Variants in TASOR2 observed in about 807,000 individuals in gnomAD.
TASOR2 encodes the protein protein TASOR 2.
Under a neutral mutation model 199.5 loss-of-function variants are expected in TASOR2, and 84 were observed. That is an observed-to-expected ratio of 0.42 (90% CI 0.35 to 0.50). The LOEUF (loss-of-function observed/expected upper bound fraction) is 0.50, where lower values mean the gene tolerates loss of function less well. Ranked by LOEUF, TASOR2 falls within the 20% of genes least tolerant of loss-of-function variation. TASOR2 has a pLI of 0.02. For synonymous variants in TASOR2, 1,103 were observed against 1,046.6 expected (o/e 1.05, Z -1.04); for missense variants, 2,796 against 2,835.9 (o/e 0.99, Z 0.32).
chr10:5,706,987 G>A lies in TASOR2; in HGVS notation c.-287-5836G>A, dbSNP rs1256601990. On this transcript the variant is annotated intron_variant, in intron 1 of 20. Transcript: ENST00000328090. The surrounding 1 kb of genome is among the most constrained non-coding windows in gnomAD (Gnocchi z 4.8). ...CACTTACGCTCCAGCCTGGGCCACG[G>A]AGCAAGACTCCGTCTCAAAAAAAAA... 2.1e-5 allele frequency among the ~76,000 whole-genome samples: 3 copies of A among 141,336 alleles called. No individual in the cohort carries two copies. Among genetic ancestry groups the A allele is most frequent in the Non-Finnish European group, 4.6e-5 (3 of 65,802 alleles). 92.7% of individuals were successfully genotyped at this position (141,336 alleles called of 152,430 possible).
rs149878213 is a variant in TASOR2, at chr10:5,726,931, C to T, written c.398C>T (p.Thr133Ile). 7 of 1,614,062 alleles carry T rather than the reference C, an allele frequency of 4.3e-6. No individual in the cohort carries two copies. In the Admixed American group the frequency reaches 1.2e-4, roughly 27 times the overall value. Residue 133 changes from threonine to isoleucine, a missense_variant, in exon 9 of 21, where the codon ACA becomes ATA. Thr to Ile is a moderately conservative substitution (Grantham distance 89). Coordinates refer to ENST00000328090, the Ensembl canonical transcript of TASOR2. ...GATCGAGGGTTTTTCATTTTACTTACATCATCAGCCTTACTATCAGAACCA... is the reference window on the plus strand; with the variant it reads ...GATCGAGGGTTTTTCATTTTACTTATATCATCAGCCTTACTATCAGAACCA...
At chr10:5,735,929 A>C (rs1835504935) in intron 12 of TASOR2, among the ~76,000 whole-genome samples, 1 of 152,212 alleles carries the variant, frequency 6.6e-6, no homozygotes, top group Admixed American at 6.5e-5. Context: ...AGGGAATTAT[A>C]AACAGACTGT....
chr10:5,697,132 A>C (rs1837259647), intron 1 of TASOR2, among the ~76,000 whole-genome samples: 1 of 152,212 alleles, frequency 6.6e-6, no homozygotes, highest in Admixed American at 6.5e-5. Flanking sequence ...TAAAACAGAA[A>C]CAAACAAAAA....
At chr10:5,747,346 G>T (rs748118485) in exon 15 of TASOR2, 19 of 1,613,910 alleles carry the variant, frequency 1.2e-5, no homozygotes, top group Middle Eastern at 1.6e-4. Context: ...ATTTGAGGAG[G>T]CCCCATTCTC....
At chr10:5,756,553 A>G (rs1009981287) in intron 15 of TASOR2, 60 bp from the exon 17 acceptor site, 20 of 1,563,206 alleles carry the variant, frequency 1.3e-5, no homozygotes, top group Non-Finnish European at 1.7e-5. Context: ...TTAATAAACT[A>G]TACAGGTAGT....
At chr10:5,735,824 C>T (rs115552103) in intron 12 of TASOR2, among the ~76,000 whole-genome samples, 185 of 152,186 alleles carry the variant, frequency 1.2e-3, no homozygotes, top group African/African-American at 4.3e-3. Flanking sequence ...TATAAATGGC[C>T]TTATTTATGA....
chr10:5,759,018 C>A, intron 18 of TASOR2, 26 bp downstream of exon 19: 2 of 1,524,932 alleles, frequency 1.3e-6, no homozygotes, highest in Non-Finnish European at 1.8e-6. Context: ...GTGTATGGTT[C>A]CTCCTGCCCT....
Position 5,748,923 on chromosome 10 carries a change from G to T in TASOR2, c.5502G>T (p.Leu1834=). 4 of 1,614,124 alleles carry T rather than the reference G, an allele frequency of 2.5e-6. No individual in the cohort carries two copies. The highest frequency in any genetic ancestry group is 3.4e-6 in the Non-Finnish European group (4 of 1,180,028). Residue 1834 remains leucine, a synonymous_variant, in exon 15 of 21, where the codon CTG becomes CTT. Transcript: ENST00000328090. The surrounding 1 kb of genome is among the most constrained non-coding windows in gnomAD (Gnocchi z 5.1). ...TCTCTGGAGATTCTGATCTAGACCT[G>T]CTTGGTGATTGTAGAAATCCCAGAC...
intron 1 of TASOR2, among the ~76,000 whole-genome samples, chr10:5,700,242 C>T (rs1837645660): frequency 1.3e-5 from 2 of 152,074 alleles, no homozygotes; most frequent in African/African-American, 2.4e-5. Context: ...CCTACAGTTG[C>T]ATCAGTGTTG....
exon 15 of TASOR2, chr10:5,747,450 G>A: frequency 6.2e-7 from 1 of 1,614,160 alleles, no homozygotes; most frequent in Non-Finnish European, 8.5e-7. Context: ...CTGACAATGT[G>A]TCAGTATATC....
intron 19 of TASOR2, 163 bp downstream of exon 20, chr10:5,761,634 TGTA>T (rs1342948965): frequency 8.0e-6 from 5 of 622,772 alleles, no homozygotes; most frequent in Middle Eastern, 3.0e-4. Flanking sequence ...TTATATAAAA[TGTA>T]GTATTTGCAG....
exon 15 of TASOR2, chr10:5,749,991 C>T (rs748101630): frequency 8.4e-5 from 135 of 1,609,850 alleles, no homozygotes; most frequent in Non-Finnish European, 1.1e-4. Flanking sequence ...TCTACCTTGT[C>T]GAAACAGAAG....
In TASOR2 at chr10:5,742,421, A is replaced by G. The variant is rs1836567537; in HGVS notation, c.2652A>G (p.Gln884=). ...CTTTCATTAAAACACCACTTACCCA[A>G]GGCTTGGAACTCTGTGTACAAAATG... is the stretch of plus-strand genomic sequence containing the variant. Residue 884 remains glutamine (Q), a synonymous_variant, in exon 14 of 21, where the codon CAA becomes CAG. Coordinates refer to ENST00000328090, the Ensembl canonical transcript of TASOR2. The surrounding 1 kb of genome is among the most constrained non-coding windows in gnomAD (Gnocchi z 4.2). 1.2e-6 allele frequency: 2 copies of G among 1,614,098 alleles called. No homozygotes were observed. The highest frequency in any genetic ancestry group is 1.7e-6 in the Non-Finnish European group (2 of 1,180,004).
chr10:5,735,409 G>A, exon 12 of TASOR2: 1 of 1,614,092 alleles, frequency 6.2e-7, no homozygotes, highest in South Asian at 1.1e-5. Flanking sequence ...AATGCTAAAA[G>A]GGCAAGGAAA....
At chr10:5,734,035 A>G (rs1835220178) in intron 11 of TASOR2, among the ~76,000 whole-genome samples, 1 of 152,162 alleles carries the variant, frequency 6.6e-6, no homozygotes, top group South Asian at 2.1e-4. Context: ...TTTCACTAAC[A>G]CTGATCAGTT....
At chr10:5,725,858 G>C (rs1833993580) in intron 8 of TASOR2, among the ~76,000 whole-genome samples, 1 of 152,148 alleles carries the variant, frequency 6.6e-6, no homozygotes, top group Admixed American at 6.5e-5. Flanking sequence ...AAATATGTAA[G>C]TCATCATGTG....
Position 5,719,123 on chromosome 10 carries a change from A to G in TASOR2, c.-100+1373A>G, listed in dbSNP as rs1448827950. Among the ~76,000 whole-genome samples the G allele has an allele frequency of 6.6e-6, 1 of 152,178 alleles. No homozygotes were observed. Among genetic ancestry groups the G allele is most frequent in the Non-Finnish European group, 1.5e-5 (1 of 68,032 alleles). On this transcript the variant is annotated intron_variant, in intron 3 of 20. Coordinates refer to ENST00000328090, the Ensembl canonical transcript of TASOR2. The surrounding 1 kb of genome is among the most constrained non-coding windows in gnomAD (Gnocchi z 4.1). ...TGGCCTTTGGTGGGTCTGTAAATGA[A>G]GAGGCAGGACTTAAACAACAACAAA...
intron 1 of TASOR2, among the ~76,000 whole-genome samples, chr10:5,695,098 A>AT (rs1423902780): frequency 1.3e-4 from 19 of 151,968 alleles, no homozygotes; most frequent in African/African-American, 4.1e-4. Flanking sequence ...GAGAAGTTTC[A>AT]TTTCTTTTTC....
intron 14 of TASOR2, chr10:5,744,181 C>T (rs1250471053): frequency 6.6e-6 from 1 of 152,234 alleles, no homozygotes; most frequent in Non-Finnish European, 1.5e-5. Flanking sequence ...TTACCAGCCA[C>T]ATGATTGGGA....
Sources: gnomAD v4.1 joint callset for allele counts (sites outside exome capture counted in the v4.1 genomes callset) on GRCh38, gnomAD v4.1.1 for gene constraint, Gnocchi (gnomAD v3.1) non-coding constraint, MANE v1.5 for transcripts, NCBI Gene and HGNC (gene_info 2026-07-23, HGNC 2026-07-21) for gene names.